The following CREB3L2 variants were observed in gnomAD, a reference collection of about 807,000 sequenced individuals.
CREB3L2 encodes cAMP responsive element binding protein 3 like 2.
A neutral mutation model predicts 57.2 loss-of-function variants in CREB3L2; 23 were observed. The ratio of observed to expected loss-of-function variants is 0.40; its 90% CI spans 0.29 to 0.57. The LOEUF (loss-of-function observed/expected upper bound fraction) is 0.57, where lower values mean the gene tolerates loss of function less well. CREB3L2 is among the 20% of genes least tolerant of loss of function. CREB3L2 has a pLI of 0.42. For synonymous variants in CREB3L2, 268 were observed against 265.1 expected, an observed-to-expected ratio of 1.01 and a Z score of -0.11; for missense variants, 628 against 634.7, an observed-to-expected ratio of 0.99 and a Z score of 0.11.
intron 1 of CREB3L2, among the ~76,000 whole-genome samples, chr7:137,973,822 A>G (rs1426243858): frequency 1.3e-5 from 2 of 152,204 alleles, no homozygotes; most frequent in Non-Finnish European, 2.9e-5. Context: ...AAATTCTCCA[A>G]TAGTTAACTA....
intron 1 of CREB3L2, among the ~76,000 whole-genome samples, chr7:137,930,192 C>A (rs149740149): frequency 1.3e-5 from 2 of 152,068 alleles, no homozygotes; most frequent in Non-Finnish European, 2.9e-5. Flanking sequence ...CCACTGTGCC[C>A]GGCCAATAAA....
chr7:137,931,173 A>G (rs970591328), intron 1 of CREB3L2, among the ~76,000 whole-genome samples: 1 of 151,672 alleles, frequency 6.6e-6, no homozygotes, highest in African/African-American at 2.4e-5. Context: ...TCAAGACTAT[A>G]GTGAACCATG....
chr7:137,884,678 G>A, intron 10 of CREB3L2: 1 of 589,784 alleles, frequency 1.7e-6, no homozygotes, highest in Non-Finnish European at 3.0e-6. Flanking sequence ...GAAAGCGACA[G>A]ACTCTTTCCC....
intron 1 of CREB3L2, among the ~76,000 whole-genome samples, chr7:137,968,426 G>A (rs564553802): frequency 3.3e-5 from 5 of 151,672 alleles, no homozygotes; most frequent in South Asian, 2.1e-4. Context: ...TGTTCTCAAC[G>A]TTCAACTCCC....
At chr7:137,882,976 AT>A (rs1799331271) in intron 10 of CREB3L2, among the ~76,000 whole-genome samples, 1 of 152,174 alleles carries the variant, frequency 6.6e-6, no homozygotes, top group Admixed American at 6.5e-5. Flanking sequence ...ATACTTGGAG[AT>A]GTCCAGACCC....
At chr7:137,905,190 C>G (rs1454829380) in intron 6 of CREB3L2, among the ~76,000 whole-genome samples, 2 of 150,934 alleles carry the variant, frequency 1.3e-5, no homozygotes, top group Admixed American at 6.6e-5. Flanking sequence ...CAAATATAGA[C>G]CAGCAAACTG....
intron 11 of CREB3L2, among the ~76,000 whole-genome samples, chr7:137,881,611 AG>A (rs1197073209): frequency 4.6e-5 from 7 of 152,234 alleles, no homozygotes; most frequent in Non-Finnish European, 1.0e-4. Context: ...AGGGGATGAA[AG>A]CTGAAGAATC....
Position 137,879,952 on chromosome 7 carries a change from C to T in CREB3L2, c.*524G>A, listed in dbSNP as rs543432868. The stretch of plus-strand genomic sequence containing the variant: ...TGCTGCAGGAGACGAGACGATCCAG[C>T]GAGGGCTCCCAGGGGGCAGAGTGGG... On this transcript the variant is annotated 3_prime_UTR_variant, in exon 12 of 12. Coordinates refer to ENST00000330387, the MANE Select transcript of CREB3L2 (RefSeq NM_194071.4). 380 of 236,254 alleles carry T rather than the reference C, an allele frequency of 1.6e-3. 2 individuals are homozygous for T. Among genetic ancestry groups the T allele is most frequent in the African/African-American group, 7.8e-3 (346 of 44,494 alleles). 14.6% of individuals were successfully genotyped at this position (236,254 alleles called of 1,614,324 possible).
chr7:137,936,116 A>G (rs273983), intron 1 of CREB3L2, among the ~76,000 whole-genome samples: 107,731 of 152,174 alleles, frequency 0.71, 39,204 homozygotes, highest in African/African-American at 0.88. Context: ...ACTCTCCACT[A>G]AGGTTCGCCC....
intron 1 of CREB3L2, among the ~76,000 whole-genome samples, chr7:137,966,226 C>A (rs375166093): frequency 6.6e-6 from 1 of 152,322 alleles, no homozygotes; most frequent in East Asian, 1.9e-4. Context: ...GGGCTAGTTG[C>A]ATCTTCTTAA....
chr7:137,949,202 C>T (rs745510136), intron 1 of CREB3L2, among the ~76,000 whole-genome samples: 1 of 152,200 alleles, frequency 6.6e-6, no homozygotes, highest in Non-Finnish European at 1.5e-5. Flanking sequence ...ACCTGGAGTT[C>T]GGCATTCAAA....
intron 1 of CREB3L2, among the ~76,000 whole-genome samples, chr7:137,996,907 C>T (rs536492342): frequency 6.6e-6 from 1 of 152,280 alleles, no homozygotes; most frequent in Admixed American, 6.5e-5. Flanking sequence ...TTATGATACA[C>T]TTTTTTAAAA....
chr7:137,922,382 A>ATATGTATGTGTG lies in CREB3L2; in HGVS notation c.319+5767_319+5768insCACACATACATA, dbSNP rs1339365374. The stretch of plus-strand genomic sequence containing the variant: ...ACTTTCTGGTTTACTATATATATAT[A>ATATGTATGTGTG]TGTATATATATATATATATATATAT... On this transcript the variant is annotated intron_variant, in intron 2 of 11. Transcript: ENST00000330387. 2.9e-5 allele frequency among the ~76,000 whole-genome samples: 3 copies of ATATGTATGTGTG among 102,790 alleles called. 1 individual carries two copies. The highest frequency in any genetic ancestry group is 2.3e-4 in the African/African-American group (3 of 12,948). 67.4% of individuals were successfully genotyped at this position (102,790 alleles called of 152,430 possible). A position where few individuals can be genotyped will look rare whatever the true frequency, so the allele number is the denominator to read the frequency against.
rs112917430 is a variant in CREB3L2 at position 137,994,518 on chromosome 7, T to C, written c.102+7086A>G. Reference sequence around the variant, plus strand: ...AGTTAATTCTACATCTCCTAGTTAGTGAGTCAAGACATAGCCATAATCTCC... The same window carrying C: ...AGTTAATTCTACATCTCCTAGTTAGCGAGTCAAGACATAGCCATAATCTCC... On this transcript the variant is annotated intron_variant, in intron 1 of 11. Coordinates refer to ENST00000330387, the MANE Select transcript of CREB3L2 (RefSeq NM_194071.4). Among the ~76,000 whole-genome samples the C allele has an allele frequency of 2.3e-3, 350 of 152,332 alleles. 4 individuals are homozygous for C. The highest frequency in any genetic ancestry group is 8.1e-3 in the African/African-American group (337 of 41,564).
intron 1 of CREB3L2, among the ~76,000 whole-genome samples, chr7:137,945,932 C>T (rs1224610344): frequency 2.0e-5 from 3 of 152,070 alleles, no homozygotes; most frequent in Non-Finnish European, 2.9e-5. Context: ...ATTTAGTGGC[C>T]GTTTCTGTTC....
At chr7:137,900,451 G>T (rs960650420) in intron 8 of CREB3L2, among the ~76,000 whole-genome samples, 1 of 152,100 alleles carries the variant, frequency 6.6e-6, no homozygotes, top group African/African-American at 2.4e-5. Context: ...TGTAAAATGG[G>T]TTTGAAATGC....
At chr7:137,938,112 C>G (rs1272785846) in intron 1 of CREB3L2, among the ~76,000 whole-genome samples, 1 of 152,116 alleles carries the variant, frequency 6.6e-6, no homozygotes, top group Non-Finnish European at 1.5e-5. Context: ...CGTCTTTATA[C>G]ATTTGTCCAA....
rs747428190 is a variant in CREB3L2, at chr7:137,885,008, G to A, written c.1257C>T (p.Tyr419=). Residue 419 remains tyrosine (Y), a synonymous_variant, in exon 10 of 12, where the codon TAC becomes TAT. Coordinates refer to ENST00000330387, the MANE Select transcript of CREB3L2 (RefSeq NM_194071.4). ...LPSQHSLQEP[Y]TASVVRSRNL... ...ATGCTGTCTTACCCACGGAGGCTGT[G>A]TAGGGCTCCTGCAGGGAATGCTGGC... The A allele has an allele frequency of 2.5e-5, 40 of 1,614,098 alleles. No homozygotes were observed. Among genetic ancestry groups the A allele is most frequent in the Non-Finnish European group, 3.3e-5 (39 of 1,180,036 alleles).
Position 138,001,858 on chromosome 7 carries a change from C to CTCT in CREB3L2, c.-154_-153insAGA. 1 of 527,212 alleles carries CTCT rather than the reference C, an allele frequency of 1.9e-6. No homozygotes were observed. Among genetic ancestry groups the CTCT allele is most frequent in the Non-Finnish European group, 3.3e-6 (1 of 302,508 alleles). 32.7% of individuals were successfully genotyped at this position (527,212 alleles called of 1,614,324 possible). A position where few individuals can be genotyped will look rare whatever the true frequency, so the allele number is the denominator to read the frequency against. Reference sequence around the variant, plus strand: ...TGCACTTGGAAAGCAAACGTCTGCTCCTCTGCCGGAGAGAGGATGGCCAAG... The same window carrying CTCT: ...TGCACTTGGAAAGCAAACGTCTGCTCTCTCTCTGCCGGAGAGAGGATGGCCAAG... On this transcript the variant is annotated 5_prime_UTR_variant, in exon 1 of 12. Coordinates refer to ENST00000330387, the MANE Select transcript of CREB3L2 (RefSeq NM_194071.4). The surrounding 1 kb of genome is among the most constrained non-coding windows in gnomAD (Gnocchi z 4.2).
Sources: gnomAD v4.1 joint callset for allele counts (sites outside exome capture counted in the v4.1 genomes callset) on GRCh38, gnomAD v4.1.1 for gene constraint, Gnocchi (gnomAD v3.1) non-coding constraint, MANE v1.5 for transcripts, NCBI Gene and HGNC (gene_info 2026-07-23, HGNC 2026-07-21) for gene names.